Variants in KMT2C observed in about 807,000 individuals in gnomAD.
The protein encoded by KMT2C is lysine methyltransferase 2C.
A neutral mutation model predicts 507.9 loss-of-function variants in KMT2C; 88 were observed. That is an observed-to-expected ratio of 0.17 (90% CI 0.15 to 0.21). KMT2C has a LOEUF of 0.21. KMT2C is among the 10% of genes least tolerant of loss of function. KMT2C has a pLI of 1.00. For missense variants in KMT2C, 4,954 were observed against 5,957.8 expected, an observed-to-expected ratio of 0.83 and a Z score of 5.55; for synonymous variants, 2,049 against 2,080.8, an observed-to-expected ratio of 0.98 and a Z score of 0.42.
chr7:152,182,889 T>C, intron 35 of KMT2C, 85 bp downstream of exon 35: 1 of 980,252 alleles, frequency 1.0e-6, no homozygotes, highest in Non-Finnish European at 1.5e-6. Context: ...GTCTAAGAAC[T>C]ATATTCTAAA....
At chr7:152,337,294 C>T (rs1156884328) in intron 2 of KMT2C, among the ~76,000 whole-genome samples, 2 of 152,106 alleles carry the variant, frequency 1.3e-5, no homozygotes, top group East Asian at 1.9e-4. Context: ...AAAAAGAGAA[C>T]CTAATCACAT....
chr7:152,253,514 C>CAAAAAAAAAAAAAAAAA (rs71198770), intron 9 of KMT2C, among the ~76,000 whole-genome samples: 10 of 39,516 alleles, frequency 2.5e-4, no homozygotes, highest in African/African-American at 7.0e-4. Flanking sequence ...TCTTTCTCTA[C>CAAAAAAAAAAAAAAAAA]AAAAAAAAAA....
rs768329896 is a variant in KMT2C at position 152,180,057 on chromosome 7, C to G, written c.7219G>C (p.Gly2407Arg). 5.0e-6 allele frequency: 8 copies of G among 1,614,000 alleles called. 2 individuals are homozygous for G. The East Asian group carries it at 6.7e-5, about 13-fold the overall frequency. ...QKKIAGRQEK[G>R]SQDSPAVPHP... ...GGCACTGCGGGTGAGTCCTGTGACC[C>G]CTTCTCCTGTCGACCTGCAATCTTC... The change falls in exon 37 of 59, where the codon GGG becomes CGG. Residue 2407 changes from glycine (G) to arginine (R), a missense_variant. Physicochemically the swap from Gly to Arg is moderately radical, Grantham distance 125. Around this residue, in one of 29 missense-constraint regions of KMT2C, gnomAD observed 1,689 missense variants for 1,654.3 expected, o/e 1.02. Transcript: ENST00000262189.
In KMT2C at chr7:152,248,469, G is replaced by A. The variant is rs756677447; in HGVS notation, c.1965C>T (p.Val655=). ...DKMEVTENIE[V]VTHQITVQQE... is the part of the protein sequence containing the mutation. ...GCTGCACAGTGATCTGGTGTGTAAC[G>A]ACTTCAATGTTTTCTGTCACTTCCA... The change falls in exon 14 of 59, where the codon GTC becomes GTT. Residue 655 remains valine (V), a synonymous_variant. Transcript: ENST00000262189. The A allele has an allele frequency of 1.9e-6, 3 of 1,613,956 alleles. No homozygotes were observed. Among genetic ancestry groups the A allele is most frequent in the Non-Finnish European group, 2.5e-6 (3 of 1,179,970 alleles).
intron 15 of KMT2C, among the ~76,000 whole-genome samples, chr7:152,236,336 A>G (rs2095274049): frequency 6.6e-6 from 1 of 152,268 alleles, no homozygotes; most frequent in Admixed American, 6.5e-5. Flanking sequence ...GATTACAATA[A>G]TAGCTAACAT....
At position 152,181,419 on chromosome 7, in the gene KMT2C, T is replaced by C. The variant is rs201259929; in HGVS notation, c.6441A>G (p.Gln2147=). 1.5e-5 allele frequency: 24 copies of C among 1,613,860 alleles called. No individual in the cohort carries two copies. Among genetic ancestry groups the C allele is most frequent in the East Asian group, 1.1e-4 (5 of 44,864 alleles). ...TPRPVVDSYS[Q]SSGTARSNTD... is the part of the protein sequence containing the mutation. ...TATTGGACCTAGCTGTTCCTGAAGA[T>C]TGGGAATAAGAATCTACAACAGGTC... Residue 2147 remains glutamine (Q), a synonymous_variant, in exon 36 of 59, where the codon CAA becomes CAG. Transcript: ENST00000262189.
In KMT2C at chr7:152,139,032, A is replaced by G. The variant is rs936910580; in HGVS notation, c.14535-128T>C. ...TTTGCCCATTGTTAGAAGCACAAAT[A>G]TAACATTTAAATAAAAATTCTCAAC... On this transcript the variant is annotated intron_variant, in intron 57 of 58. Coordinates refer to ENST00000262189, the MANE Select transcript of KMT2C (RefSeq NM_170606.3). 6.1e-6 allele frequency: 6 copies of G among 986,140 alleles called. No individual in the cohort carries two copies. In the African/African-American group the frequency reaches 6.5e-5, roughly 11 times the overall value. 61.1% of individuals were successfully genotyped at this position (986,140 alleles called of 1,614,324 possible).
chr7:152,191,851 C>T (rs1260349812), intron 31 of KMT2C, among the ~76,000 whole-genome samples: 1 of 152,138 alleles, frequency 6.6e-6, no homozygotes, highest in African/African-American at 2.4e-5. Context: ...TTTGCCCTTA[C>T]ATTAGAACTA....
chr7:152,393,363 T>C (rs1269940487), intron 1 of KMT2C, among the ~76,000 whole-genome samples: 2 of 152,190 alleles, frequency 1.3e-5, no homozygotes, highest in Non-Finnish European at 2.9e-5. Flanking sequence ...AATCTAGAAT[T>C]ATATAACAAA....
intron 27 of KMT2C, among the ~76,000 whole-genome samples, chr7:152,196,610 C>T (rs34580279): frequency 0.38 from 58,334 of 152,166 alleles, 12,766 homozygotes; most frequent in East Asian, 0.54. Flanking sequence ...AACAAAGTGC[C>T]TGCCCTCAGA....
At chr7:152,268,487 AT>A (rs2095899218) in intron 7 of KMT2C, among the ~76,000 whole-genome samples, 1 of 152,208 alleles carries the variant, frequency 6.6e-6, no homozygotes, top group Non-Finnish European at 1.5e-5. Flanking sequence ...ATCAAGTCTT[AT>A]TGAACATATT....
At position 152,422,387 on chromosome 7, in the gene KMT2C, G is replaced by A. The variant is rs531485066; in HGVS notation, c.161+13239C>T. On this transcript the variant is annotated intron_variant, in intron 1 of 58. Transcript: ENST00000262189. ...CGAGAATCGCTTGAACCCAGGAGGC[G>A]GAGGTTGCAGTGAGCCAAGATCGCA... Among the ~76,000 whole-genome samples the A allele has an allele frequency of 1.6e-4, 24 of 151,920 alleles. 1 individual carries two copies. In the South Asian group the frequency reaches 3.3e-3, roughly 21 times the overall value.
rs533455170 is a variant in KMT2C at position 152,188,734 on chromosome 7, T to C, written c.4661-887A>G. 3.3e-5 allele frequency among the ~76,000 whole-genome samples: 5 copies of C among 150,440 alleles called. No homozygotes were observed. In the East Asian group the frequency reaches 8.0e-4, roughly 24 times the overall value. On this transcript the variant is annotated intron_variant, in intron 31 of 58. Coordinates refer to ENST00000262189, the MANE Select transcript of KMT2C (RefSeq NM_170606.3). Reference sequence around the variant, plus strand: ...TTCAAGCAATTCTGCCTCAGCCTCCTGAGTAGTTGGAATCACAGGCACTTG... The same window carrying C: ...TTCAAGCAATTCTGCCTCAGCCTCCCGAGTAGTTGGAATCACAGGCACTTG...
chr7:152,395,361 C>G (rs563532219), intron 1 of KMT2C, among the ~76,000 whole-genome samples: 10 of 151,908 alleles, frequency 6.6e-5, no homozygotes, highest in South Asian at 6.2e-4. Context: ...TCTTTCCCCC[C>G]CCCAGTTAGA....
chr7:152,169,759 C>T (rs1003839513), intron 40 of KMT2C, among the ~76,000 whole-genome samples: 4 of 152,080 alleles, frequency 2.6e-5, no homozygotes, highest in Non-Finnish European at 5.9e-5. Flanking sequence ...CCTGTAGTCC[C>T]GGCTACTTGG....
intron 46 of KMT2C, among the ~76,000 whole-genome samples, chr7:152,155,708 T>A (rs578219976): frequency 5.3e-5 from 8 of 152,286 alleles, no homozygotes; most frequent in African/African-American, 1.9e-4. Flanking sequence ...CTCTATATGA[T>A]GTAGGCTTAA....
Position 152,194,063 on chromosome 7 carries a change from T to A in KMT2C, c.4606A>T (p.Thr1536Ser), listed in dbSNP as rs1588106233. ...AVLSPANTQPTPLPQPPPPTQ... is the reference protein window; with the variant it reads ...AVLSPANTQPSPLPQPPPPTQ... ...GGTGGGGGAGGCTGTGGCAATGGAG[T>A]TGGCTGAGTGTTCGCAGGACTAAGT... The change falls in exon 31 of 59, where the codon ACT becomes TCT. Residue 1536 changes from threonine (T) to serine (S), a missense_variant. By Grantham distance (58) the Thr-to-Ser change is moderately conservative. This residue lies in a region of KMT2C where 195 missense variants were observed against 183.7 expected (regional missense o/e 1.06). Transcript: ENST00000262189. 1 of 1,592,052 alleles carries A rather than the reference T, an allele frequency of 6.3e-7. No homozygotes were observed. The highest frequency in any genetic ancestry group is 2.3e-5 in the East Asian group (1 of 44,242).
At chr7:152,309,507 CTT>C (rs60166582) in intron 6 of KMT2C, among the ~76,000 whole-genome samples, 3,178 of 87,892 alleles carry the variant, frequency 0.036, 66 homozygotes, top group East Asian at 0.086. Context: ...CATAAAATAA[CTT>C]TTTTTTTTTT....
In KMT2C at chr7:152,144,235, T is replaced by G. The variant is rs1265383399; in HGVS notation, c.14343+478A>C. Among the ~76,000 whole-genome samples, 2 of 152,210 alleles carry G rather than the reference T, an allele frequency of 1.3e-5. No individual in the cohort carries two copies. Among genetic ancestry groups the G allele is most frequent in the Non-Finnish European group, 2.9e-5 (2 of 68,036 alleles). On this transcript the variant is annotated intron_variant, in intron 55 of 58. Coordinates refer to ENST00000262189, the MANE Select transcript of KMT2C (RefSeq NM_170606.3). The surrounding 1 kb of genome is among the most constrained non-coding windows in gnomAD (Gnocchi z 4.4). ...GAAGTATGGACTATAGGTGTAAACTTAAATGCTTAGCCTATACACGGCCTT... is the reference window on the plus strand; with the variant it reads ...GAAGTATGGACTATAGGTGTAAACTGAAATGCTTAGCCTATACACGGCCTT...
Sources: allele counts gnomAD v4.1 joint callset (sites outside exome capture counted in the v4.1 genomes callset), GRCh38; gene constraint gnomAD v4.1.1; regional missense constraint gnomAD v4.1.1; non-coding constraint Gnocchi (gnomAD v3.1); transcripts MANE v1.5; gene names NCBI Gene and HGNC (gene_info 2026-07-23, HGNC 2026-07-21).